DIP2B: variants seen among roughly 807,000 people sequenced by gnomAD.
DIP2B encodes the protein DIP2 acetate--CoA ligase B (putative).
A neutral mutation model predicts 198.0 loss-of-function variants in DIP2B; 76 were observed. That is an observed-to-expected ratio of 0.38 (90% confidence interval 0.32 to 0.46). The LOEUF (loss-of-function observed/expected upper bound fraction) is 0.46. Among genes scored for constraint, DIP2B ranks in the 20% least tolerant of loss-of-function variants. DIP2B has a pLI of 0.99. For synonymous variants in DIP2B, 701 were observed against 739.1 expected (o/e 0.95, Z 0.84); for missense variants, 1,559 against 1,978.4 (o/e 0.79, Z 4.02).
At chr12:50,532,193 T>A (rs1345445342) in intron 1 of DIP2B, among the ~76,000 whole-genome samples, 3 of 152,182 alleles carry the variant, frequency 2.0e-5, no homozygotes, top group African/African-American at 7.2e-5. Flanking sequence ...TCTTGCCTAG[T>A]GGCCTTATGA....
intron 12 of DIP2B, chr12:50,686,936 T>G (rs1347516958): frequency 2.9e-6 from 1 of 345,896 alleles, no homozygotes; most frequent in East Asian, 5.1e-5. Context: ...CAAAAGACTT[T>G]AGGGAAGTAC....
At chr12:50,582,668 C>T (rs972037431) in intron 1 of DIP2B, among the ~76,000 whole-genome samples, 1 of 152,200 alleles carries the variant, frequency 6.6e-6, no homozygotes, top group Admixed American at 6.5e-5. Context: ...CACCCACCAA[C>T]AGCAGTGAAA....
intron 6 of DIP2B, among the ~76,000 whole-genome samples, chr12:50,675,045 C>T (rs1047262094): frequency 6.6e-6 from 1 of 152,056 alleles, no homozygotes; most frequent in Non-Finnish European, 1.5e-5. Flanking sequence ...GCCAAGATGG[C>T]GCCACTGCAC....
intron 4 of DIP2B, among the ~76,000 whole-genome samples, chr12:50,669,514 C>T (rs1026654944): frequency 2.6e-5 from 4 of 152,152 alleles, no homozygotes; most frequent in Non-Finnish European, 5.9e-5. Flanking sequence ...CCTCCGCCTC[C>T]CGGTCTTAAG....
chr12:50,608,480 G>A (rs1959003157), intron 1 of DIP2B, among the ~76,000 whole-genome samples: 1 of 151,796 alleles, frequency 6.6e-6, no homozygotes, highest in African/African-American at 2.4e-5. Flanking sequence ...AACATAGCTG[G>A]GTCCACGTGG....
chr12:50,665,311 G>A (rs1472537470), intron 4 of DIP2B, among the ~76,000 whole-genome samples: 1 of 152,186 alleles, frequency 6.6e-6, no homozygotes, highest in Non-Finnish European at 1.5e-5. Flanking sequence ...TGTAAAGTAG[G>A]AAGGGCAGAT....
chr12:50,723,852 CCA>C (rs1939884383), intron 27 of DIP2B, among the ~76,000 whole-genome samples: 1 of 152,292 alleles, frequency 6.6e-6, no homozygotes, highest in South Asian at 2.1e-4. Context: ...TGAATTATCC[CCA>C]GTGTCAAGTC....
intron 25 of DIP2B, among the ~76,000 whole-genome samples, chr12:50,719,668 C>T (rs1393540658): frequency 6.6e-6 from 1 of 151,698 alleles, no homozygotes; most frequent in Non-Finnish European, 1.5e-5. Context: ...ATGTGAAACG[C>T]TGTCTCTACT....
intron 1 of DIP2B, among the ~76,000 whole-genome samples, chr12:50,555,938 T>G (rs1358685490): frequency 1.3e-5 from 2 of 152,222 alleles, no homozygotes; most frequent in Non-Finnish European, 2.9e-5. Flanking sequence ...GAAACTATTC[T>G]GAACAGCAGC....
In DIP2B at chr12:50,706,649, A is replaced by T. The variant is rs368140410; in HGVS notation, c.2518A>T (p.Thr840Ser). 9.9e-6 allele frequency: 16 copies of T among 1,613,906 alleles called. No individual in the cohort carries two copies. The highest frequency in any genetic ancestry group is 1.3e-5 in the African/African-American group (1 of 74,914). ...TGGATTGGCTGTAGAATCAATAAAG[A>T]CTGTTTATAGAGGAAGGTGAGTAGT... ...ATGLAVESIK[T>S]VYRGRIAVFS... The change falls in exon 21 of 38, where the codon ACT becomes TCT. Residue 840 changes from threonine (T) to serine (S), a missense_variant. Transcript: ENST00000301180.
intron 1 of DIP2B, among the ~76,000 whole-genome samples, chr12:50,542,301 A>G (rs1483447928): frequency 6.6e-6 from 1 of 152,078 alleles, no homozygotes; most frequent in African/African-American, 2.4e-5. Context: ...AAAATCTCAT[A>G]AAGAGAATGG....
chr12:50,640,729 G>A lies in DIP2B; in HGVS notation c.178G>A (p.Asp60Asn). ...SPYSPQTQETDSAVQKELRNQ... is the reference protein window; with the variant it reads ...SPYSPQTQETNSAVQKELRNQ... ...TTTTAAACTTCCTTTTTTAGAAACT[G>A]ATTCAGCAGTACAGAAAGAACTTAG... is the stretch of plus-strand genomic sequence containing the variant. The change falls in exon 3 of 38, where the codon GAT becomes AAT. Residue 60 changes from aspartate (D) to asparagine (N), a missense_variant. By Grantham distance (23) the Asp-to-Asn change is conservative. Transcript: ENST00000301180. 6.2e-7 allele frequency: 1 copy of A among 1,612,374 alleles called. No individual in the cohort carries two copies. Among genetic ancestry groups the A allele is most frequent in the Non-Finnish European group, 8.5e-7 (1 of 1,179,342 alleles).
At chr12:50,703,793 T>C (rs1162599390) in intron 19 of DIP2B, among the ~76,000 whole-genome samples, 1 of 151,938 alleles carries the variant, frequency 6.6e-6, no homozygotes, top group Non-Finnish European at 1.5e-5. Flanking sequence ...CTGAGTGGGC[T>C]AAGTCAACTC....
intron 19 of DIP2B, among the ~76,000 whole-genome samples, chr12:50,703,708 A>G (rs532102103): frequency 1.3e-5 from 2 of 152,306 alleles, no homozygotes; most frequent in Non-Finnish European, 2.9e-5. Flanking sequence ...CCTAAAGTCT[A>G]TGTTACTAGT....
At position 50,697,193 on chromosome 12, in the gene DIP2B, A is replaced by G; in HGVS notation, c.2048+18A>G. ...ATCCGCAGGTACTGTTCAGGATGTC[A>G]GATGCTCTTGATGTATGTTACAACT... is the stretch of plus-strand genomic sequence containing the variant. On this transcript the variant is annotated intron_variant, in intron 17 of 37. Coordinates refer to ENST00000301180, the MANE Select transcript of DIP2B (RefSeq NM_173602.3). The G allele has an allele frequency of 6.2e-7, 1 of 1,608,108 alleles. No individual in the cohort carries two copies. The highest frequency in any genetic ancestry group is 8.5e-7 in the Non-Finnish European group (1 of 1,175,294).
At chr12:50,680,623 C>T in intron 8 of DIP2B, 49 bp from the exon 9 acceptor site, 3 of 1,535,936 alleles carry the variant, frequency 2.0e-6, no homozygotes, top group East Asian at 2.3e-5. Flanking sequence ...TTGAGGTAGA[C>T]CTGTTTTTTT....
At chr12:50,692,580 G>A (rs186701709) in intron 13 of DIP2B, among the ~76,000 whole-genome samples, 95 of 152,272 alleles carry the variant, frequency 6.2e-4, no homozygotes, top group African/African-American at 1.9e-3. Context: ...GCTTATGTCT[G>A]TAATCCCAGC....
At chr12:50,685,010 T>A (rs953514005) in intron 10 of DIP2B, among the ~76,000 whole-genome samples, 1 of 152,124 alleles carries the variant, frequency 6.6e-6, no homozygotes, top group Non-Finnish European at 1.5e-5. Flanking sequence ...AAGAATAGCC[T>A]GAACCCAGGA....
rs1207339795 is a variant in DIP2B at position 50,626,164 on chromosome 12, G to A, written c.172+117G>A. ...TTTCCCTCCCTTCCTCACCAGGGGA[G>A]AGAAAAAAACGGAAGGAAAGAAAGG... On this transcript the variant is annotated intron_variant, in intron 2 of 37. Transcript: ENST00000301180. The A allele has an allele frequency of 1.7e-5, 18 of 1,052,104 alleles. No homozygotes were observed. The South Asian group carries it at 2.1e-4, about 12-fold the overall frequency. The allele number at this position is 1,052,104 out of a possible 1,614,324, so 65.2% of individuals were successfully genotyped here.
Sources: gnomAD v4.1 joint callset for allele counts (sites outside exome capture counted in the v4.1 genomes callset) on GRCh38, gnomAD v4.1.1 for gene constraint, MANE v1.5 for transcripts, NCBI Gene and HGNC (gene_info 2026-07-23, HGNC 2026-07-21) for gene names.